Variants in BDP1 observed in about 807,000 individuals in gnomAD.
BDP1 encodes the protein transcription factor TFIIIB component B'' homolog.
BDP1 carries 169 observed loss-of-function variants against 266.6 expected under a neutral mutation model. That is an observed-to-expected ratio of 0.63 (90% CI 0.56 to 0.72). BDP1 has a LOEUF of 0.72. Among genes scored for constraint, BDP1 ranks in the 30% least tolerant of loss-of-function variants. The pLI is 0.00. For synonymous variants in BDP1, 1,090 were observed against 1,022.4 expected, an observed-to-expected ratio of 1.07 and a Z score of -1.26; for missense variants, 3,015 against 3,053.8, an observed-to-expected ratio of 0.99 and a Z score of 0.30.
intron 4 of BDP1, among the ~76,000 whole-genome samples, chr5:71,465,802 A>G (rs1761870308): frequency 6.6e-6 from 1 of 152,064 alleles, no homozygotes; most frequent in Non-Finnish European, 1.5e-5. Flanking sequence ...AATGGTGTGA[A>G]CCCAGGAGGC....
At chr5:71,534,308 C>T (rs761383400) in intron 26 of BDP1, among the ~76,000 whole-genome samples, 53 of 152,108 alleles carry the variant, frequency 3.5e-4, no homozygotes, top group Non-Finnish European at 7.1e-4. Flanking sequence ...TGTTGCTATC[C>T]ATTTGTCCTA....
At chr5:71,570,206 C>T (rs1395135890), downstream of BDP1, among the ~76,000 whole-genome samples, 1 of 152,190 alleles carries the variant, frequency 6.6e-6, no homozygotes, top group Non-Finnish European at 1.5e-5. Flanking sequence ...TTTAAGGTCT[C>T]TGGAAATCAG....
At position 71,467,389 on chromosome 5, in the gene BDP1, G is replaced by T; in HGVS notation, c.821G>T (p.Cys274Phe). 6.2e-7 allele frequency: 1 copy of T among 1,609,900 alleles called. No homozygotes were observed. Among genetic ancestry groups the T allele is most frequent in the Non-Finnish European group, 8.5e-7 (1 of 1,176,502 alleles). The change falls in exon 6 of 39, where the codon TGT (cysteine) becomes TTT (phenylalanine). Residue 274 changes from cysteine (C) to phenylalanine (F), a missense_variant. Physicochemically the swap from Cys to Phe is radical, Grantham distance 205 (BLOSUM62 -2). Around this residue, in one of 3 missense-constraint regions of BDP1, gnomAD observed 2,383 missense variants for 2,404.9 expected, o/e 0.99. Coordinates refer to ENST00000358731, the MANE Select transcript of BDP1 (RefSeq NM_018429.3). ...TVEVLRTKGPCVVEENDPIFE... is the reference protein window; with the variant it reads ...TVEVLRTKGPFVVEENDPIFE... Reference sequence around the variant, plus strand: ...GAAGTTTTAAGAACAAAAGGCCCTTGTGTTGTTGAAGAAAATGACCCCATA... The same window carrying T: ...GAAGTTTTAAGAACAAAAGGCCCTTTTGTTGTTGAAGAAAATGACCCCATA...
downstream of BDP1, among the ~76,000 whole-genome samples, chr5:71,568,366 A>T (rs940538408): frequency 6.6e-6 from 1 of 152,186 alleles, no homozygotes; most frequent in Admixed American, 6.5e-5. Flanking sequence ...TTGGGGTAGT[A>T]TTCCCAAATA....
chr5:71,573,126 G>A, the BDP1 span, among the ~76,000 whole-genome samples: 1 of 152,152 alleles, frequency 6.6e-6, no homozygotes, highest in East Asian at 1.9e-4. Context: ...CTACTCAGGA[G>A]GCGGAGGCAG....
rs1761134755 is a variant in BDP1 at position 71,455,854 on chromosome 5, C to T, written c.-24C>T. 6.5e-7 allele frequency: 1 copy of T among 1,546,826 alleles called. No individual in the cohort carries two copies. Among genetic ancestry groups the T allele is most frequent in the Non-Finnish European group, 8.7e-7 (1 of 1,145,130 alleles). ...GGGCTGTGAGCGGCCGTGAGGCTGC[C>T]TCCCCGGGCCCCCTGCCTCCGCCAT... is the stretch of plus-strand genomic sequence containing the variant. On this transcript the variant is annotated 5_prime_UTR_variant, in exon 1 of 39. Coordinates refer to ENST00000358731, the MANE Select transcript of BDP1 (RefSeq NM_018429.3).
chr5:71,567,239 G>T lies in BDP1; in HGVS notation c.*2354G>T, dbSNP rs1464973495. The T allele has an allele frequency of 6.6e-6, 1 of 151,980 alleles. No homozygotes were observed. Among genetic ancestry groups the T allele is most frequent in the Admixed American group, 6.6e-5 (1 of 15,190 alleles). The allele number at this position is 151,980 out of a possible 1,614,324, so 9.4% of individuals were successfully genotyped here. A position where few individuals can be genotyped will look rare whatever the true frequency, so the allele number is the denominator to read the frequency against. ...CATGATTAAACTATTATTTATCCTT[G>T]TGTAATATTAGTTTTTAACTTTAAC... On this transcript the variant is annotated 3_prime_UTR_variant, in exon 39 of 39. Transcript: ENST00000358731.
intron 3 of BDP1, among the ~76,000 whole-genome samples, chr5:71,463,689 G>A (rs187049165): frequency 3.9e-5 from 6 of 152,148 alleles, no homozygotes; most frequent in African/African-American, 1.4e-4. Context: ...TTAGCCTGGT[G>A]TGGTGGCATG....
intron 38 of BDP1, 179 bp downstream of exon 38, chr5:71,562,699 G>C: frequency 6.7e-7 from 1 of 1,490,024 alleles, no homozygotes; most frequent in Non-Finnish European, 9.0e-7. Context: ...GTTGAGTCAG[G>C]AAGTTACAGT....
At chr5:71,525,577 C>A (rs1202625210) in intron 25 of BDP1, among the ~76,000 whole-genome samples, 1 of 80,226 alleles carries the variant, frequency 1.2e-5, no homozygotes, top group Non-Finnish European at 2.8e-5. Flanking sequence ...GGGCGGCTGG[C>A]CGGGCGGGGG....
intron 25 of BDP1, among the ~76,000 whole-genome samples, chr5:71,531,518 T>C (rs1766244760): frequency 1.3e-5 from 2 of 152,122 alleles, no homozygotes; most frequent in African/African-American, 4.8e-5. Context: ...ATTTATTTAT[T>C]TATTTTTGAG....
chr5:71,476,376 T>G (rs1288338125), intron 7 of BDP1: 1 of 152,106 alleles, frequency 6.6e-6, no homozygotes, highest in Non-Finnish European at 1.5e-5. Flanking sequence ...ATTCATAGAG[T>G]ACGGTCTGGA....
intron 7 of BDP1, among the ~76,000 whole-genome samples, chr5:71,478,060 G>A (rs1389327582): frequency 2.0e-5 from 3 of 152,184 alleles, no homozygotes; most frequent in African/African-American, 7.2e-5. Flanking sequence ...AGACCAGGCT[G>A]ACCAACATGG....
At chr5:71,462,378 A>G (rs941325016) in intron 3 of BDP1, among the ~76,000 whole-genome samples, 1 of 152,228 alleles carries the variant, frequency 6.6e-6, no homozygotes, top group Non-Finnish European at 1.5e-5. Flanking sequence ...TTTTAAATAG[A>G]ATTTCATAAC....
chr5:71,465,643 G>A (rs906960861), intron 4 of BDP1, among the ~76,000 whole-genome samples: 11 of 152,208 alleles, frequency 7.2e-5, no homozygotes, highest in Non-Finnish European at 1.5e-4. Flanking sequence ...GGCACTTTGG[G>A]AGGCTGAGGC....
intron 22 of BDP1, among the ~76,000 whole-genome samples, chr5:71,519,863 A>T (rs997023623): frequency 5.3e-5 from 8 of 152,120 alleles, no homozygotes; most frequent in Admixed American, 5.2e-4. Flanking sequence ...TGGTAGTTCT[A>T]TTTTTAGTTT....
At chr5:71,541,432 T>G (rs746645724) in intron 28 of BDP1, 22 bp from the exon 29 acceptor site, 6 of 1,018,306 alleles carry the variant, frequency 5.9e-6, no homozygotes, top group Non-Finnish European at 8.3e-6. Flanking sequence ...ATTTTAATTT[T>G]GTTTTTTTTT....
At chr5:71,490,106 T>C (rs1187091832) in intron 10 of BDP1, among the ~76,000 whole-genome samples, 1 of 152,218 alleles carries the variant, frequency 6.6e-6, no homozygotes, top group South Asian at 2.1e-4. Context: ...TTTTCTTTTT[T>C]ACTCTTTGAA....
chr5:71,558,454 G>A lies in BDP1; in HGVS notation c.7241-1528G>A, dbSNP rs188635977. Among the ~76,000 whole-genome samples the A allele has an allele frequency of 8.6e-5, 13 of 151,978 alleles. No individual in the cohort carries two copies. The East Asian group carries it at 2.5e-3, about 29-fold the overall frequency. ...AGGAGATTGCTTGAACCTGGGAGAC[G>A]GAGGTTGCAGCCAGCTGAGATCACG... On this transcript the variant is annotated intron_variant, in intron 36 of 38. Transcript: ENST00000358731.
Sources: allele counts gnomAD v4.1 joint callset (sites outside exome capture counted in the v4.1 genomes callset), GRCh38; gene constraint gnomAD v4.1.1; regional missense constraint gnomAD v4.1.1; transcripts MANE v1.5; gene names NCBI Gene and HGNC (gene_info 2026-07-23, HGNC 2026-07-21).